The following RASGRF2 variants were observed in gnomAD, a reference collection of about 807,000 sequenced individuals.
RASGRF2 encodes the protein Ras protein specific guanine nucleotide releasing factor 2, also known as ras-specific guanine nucleotide-releasing factor 2.
A neutral mutation model predicts 151.0 loss-of-function variants in RASGRF2; 76 were observed. The observed-to-expected ratio is 0.50, with a 90% CI of 0.42 to 0.61. RASGRF2 has a LOEUF of 0.61. Among genes scored for constraint, RASGRF2 ranks in the 20% least tolerant of loss-of-function variants. The pLI, the probability that RASGRF2 is intolerant of heterozygous loss-of-function variation, is 0.00. For missense variants in RASGRF2, 1,148 were observed against 1,564.6 expected (o/e 0.73, Z 4.49); for synonymous variants, 504 against 566.5 (o/e 0.89, Z 1.57).
At chr5:81,197,561 A>G (rs1755295440) in intron 18 of RASGRF2, among the ~76,000 whole-genome samples, 1 of 152,012 alleles carries the variant, frequency 6.6e-6, no homozygotes, top group African/African-American at 2.4e-5. Flanking sequence ...TTCAAATTAG[A>G]TTAGACTTGC....
At chr5:81,145,055 C>G (rs1580356687) in intron 17 of RASGRF2, among the ~76,000 whole-genome samples, 1 of 152,184 alleles carries the variant, frequency 6.6e-6, no homozygotes, top group South Asian at 2.1e-4. Context: ...CCAGCTTGAC[C>G]AACATGGAGA....
At chr5:81,005,665 G>C (rs796903439) in intron 1 of RASGRF2, among the ~76,000 whole-genome samples, 9 of 152,296 alleles carry the variant, frequency 5.9e-5, no homozygotes, top group African/African-American at 2.2e-4. Flanking sequence ...GGTAGTTTCT[G>C]CTATTTGACT....
chr5:80,995,820 G>A (rs1272151255), intron 1 of RASGRF2, among the ~76,000 whole-genome samples: 1 of 151,308 alleles, frequency 6.6e-6, no homozygotes, highest in Non-Finnish European at 1.5e-5. Flanking sequence ...AGCTTCCTGA[G>A]TAGCTGTGAT....
intron 1 of RASGRF2, among the ~76,000 whole-genome samples, chr5:81,001,885 G>A (rs1043929169): frequency 5.9e-5 from 9 of 152,150 alleles, no homozygotes; most frequent in South Asian, 2.1e-4. Context: ...AGGGAATTCT[G>A]GGTTTCTCCT....
chr5:81,080,213 T>C lies in RASGRF2; in HGVS notation c.967+13T>C. 1 of 1,591,750 alleles carries C rather than the reference T, an allele frequency of 6.3e-7. No homozygotes were observed. Among genetic ancestry groups the C allele is most frequent in the Admixed American group, 1.9e-5 (1 of 51,956 alleles). On this transcript the variant is annotated intron_variant, in intron 6 of 26. Transcript: ENST00000265080. ...ACTTTAATTTTAGGTAAGTGCATTC[T>C]TTAAAGGTGTAAGATTTTCTTTTAG...
chr5:81,094,787 T>C, intron 11 of RASGRF2, 69 bp from the exon 12 acceptor site: 2 of 1,471,054 alleles, frequency 1.4e-6, no homozygotes, highest in Non-Finnish European at 1.9e-6. Flanking sequence ...AATAGAATAA[T>C]GTGAAGGCAG....
chr5:81,227,604 C>T lies in RASGRF2; in HGVS notation c.*1834C>T, dbSNP rs1287843311. On this transcript the variant is annotated 3_prime_UTR_variant, in exon 27 of 27. Transcript: ENST00000265080. ...AACTTGTGATTTATTTCTCAGTGCT[C>T]CAGAAACTGAGGGTTTGAAATAATA... The T allele has an allele frequency of 1.3e-5, 2 of 152,150 alleles. No individual in the cohort carries two copies. Among genetic ancestry groups the T allele is most frequent in the Non-Finnish European group, 2.9e-5 (2 of 68,032 alleles). 9.4% of individuals were successfully genotyped at this position (152,150 alleles called of 1,614,324 possible). A position where few individuals can be genotyped will look rare whatever the true frequency, so the allele number is the denominator to read the frequency against.
At chr5:81,123,048 A>G (rs1753351757) in intron 15 of RASGRF2, among the ~76,000 whole-genome samples, 1 of 152,224 alleles carries the variant, frequency 6.6e-6, no homozygotes, top group African/African-American at 2.4e-5. Context: ...CACTAGCCAC[A>G]TGTGGCTGCT....
intron 1 of RASGRF2, among the ~76,000 whole-genome samples, chr5:81,008,593 G>A (rs2112308829): frequency 6.6e-6 from 1 of 152,262 alleles, no homozygotes; most frequent in African/African-American, 2.4e-5. Flanking sequence ...CAGTATATGT[G>A]TGTCTATAAA....
chr5:81,229,786 C>T lies in RASGRF2; in HGVS notation c.*4016C>T, dbSNP rs929734957. On this transcript the variant is annotated 3_prime_UTR_variant, in exon 27 of 27. Coordinates refer to ENST00000265080, the MANE Select transcript of RASGRF2 (RefSeq NM_006909.3). ...AAACCTTAGGCTGGTGTTTACACAT[C>T]CCTGAGCCTCAGTTTCCTCATCTGC... 6.6e-6 allele frequency: 1 copy of T among 152,250 alleles called. No individual in the cohort carries two copies. Among genetic ancestry groups the T allele is most frequent in the Admixed American group, 6.5e-5 (1 of 15,282 alleles). 9.4% of individuals were successfully genotyped at this position (152,250 alleles called of 1,614,324 possible).
chr5:81,113,105 C>G (rs1753047139), intron 14 of RASGRF2, among the ~76,000 whole-genome samples: 1 of 152,104 alleles, frequency 6.6e-6, no homozygotes, highest in Non-Finnish European at 1.5e-5. Flanking sequence ...TGTAAACGAA[C>G]TCCATTGCTT....
chr5:81,083,758 G>A (rs528018098), intron 7 of RASGRF2, among the ~76,000 whole-genome samples: 18 of 152,346 alleles, frequency 1.2e-4, no homozygotes, highest in Non-Finnish European at 2.5e-4. Context: ...TAAGCCAATC[G>A]TGAAATCTGC....
chr5:81,031,959 A>T (rs1256249858), intron 1 of RASGRF2, among the ~76,000 whole-genome samples: 1 of 152,198 alleles, frequency 6.6e-6, no homozygotes, highest in Non-Finnish European at 1.5e-5. Context: ...AAAAAATGAT[A>T]AAGGGGATAT....
intron 1 of RASGRF2, among the ~76,000 whole-genome samples, chr5:80,964,640 TG>T (rs952235501): frequency 2.6e-5 from 4 of 152,150 alleles, no homozygotes; most frequent in African/African-American, 9.7e-5. Context: ...TCTAGATGGA[TG>T]GGGGCTTGGG....
At chr5:81,053,568 T>C (rs546747328) in intron 2 of RASGRF2, among the ~76,000 whole-genome samples, 1 of 152,254 alleles carries the variant, frequency 6.6e-6, no homozygotes, top group Non-Finnish European at 1.5e-5. Flanking sequence ...CTATTGTGAA[T>C]AGTGCTGCAA....
chr5:80,995,144 T>C (rs1000523349), intron 1 of RASGRF2, among the ~76,000 whole-genome samples: 9 of 150,436 alleles, frequency 6.0e-5, no homozygotes, highest in Non-Finnish European at 1.2e-4. Context: ...TAGTCCCAGC[T>C]ACTTAGGAGG....
In RASGRF2 at chr5:81,094,320, G is replaced by C. The variant is rs750555964; in HGVS notation, c.1576G>C (p.Asp526His). The change falls in exon 11 of 27, where the codon GAC becomes CAC. Residue 526 changes from aspartate (D) to histidine (H), a missense_variant. By Grantham distance (81) the Asp-to-His change is moderately conservative (BLOSUM62 -1). Transcript: ENST00000265080. ...LKTGGVLSLI[D>H]CTLIEEPDAS... ...GACAGGTGGGGTTCTGTCTCTAATAGACTGCACATTGATTGAGGAGCCAGA... is the reference window on the plus strand; with the variant it reads ...GACAGGTGGGGTTCTGTCTCTAATACACTGCACATTGATTGAGGAGCCAGA... The C allele has an allele frequency of 3.1e-6, 5 of 1,613,472 alleles. No individual in the cohort carries two copies. Among genetic ancestry groups the C allele is most frequent in the Non-Finnish European group, 4.2e-6 (5 of 1,179,886 alleles).
At chr5:80,995,688 C>CCG (rs1554083693) in intron 1 of RASGRF2, among the ~76,000 whole-genome samples, 3 of 127,596 alleles carry the variant, frequency 2.4e-5, no homozygotes, top group Admixed American at 1.6e-4. Context: ...TTTCCTTCCC[C>CCG]CCCCCTTTTT....
intron 1 of RASGRF2, among the ~76,000 whole-genome samples, chr5:81,002,584 G>A (rs62367370): frequency 0.18 from 27,183 of 151,982 alleles, 2,502 homozygotes; most frequent in South Asian, 0.22. Context: ...ATGCATCTTT[G>A]GAAGAAGTAA....
Sources: gnomAD v4.1 joint callset for allele counts (sites outside exome capture counted in the v4.1 genomes callset) on GRCh38, gnomAD v4.1.1 for gene constraint, MANE v1.5 for transcripts, NCBI Gene and HGNC (gene_info 2026-07-23, HGNC 2026-07-21) for gene names.